The following RBFOX1 variants were observed in gnomAD, a reference collection of about 807,000 sequenced individuals.
The protein encoded by RBFOX1 is RNA binding fox-1 homolog 1, also known as RNA binding protein fox-1 homolog 1.
A neutral mutation model predicts 57.7 loss-of-function variants in RBFOX1; 8 were observed. The observed-to-expected ratio is 0.14, with a 90% CI of 0.08 to 0.25. The LOEUF is 0.25. RBFOX1 is among the 10% of genes least tolerant of loss of function. The probability of loss-of-function intolerance (pLI) is 1.00; values close to 1 mark genes in which losing one functional copy is unlikely to be tolerated. For missense variants in RBFOX1, 611 were observed against 548.5 expected, an observed-to-expected ratio of 1.11 and a Z score of -1.14; for synonymous variants, 326 against 222.4, an observed-to-expected ratio of 1.47 and a Z score of -4.15.
chr16:6,915,506 C>G lies in RBFOX1; in HGVS notation c.-15-136551C>G, dbSNP rs183725010. Among the ~76,000 whole-genome samples the G allele has an allele frequency of 3.4e-3, 516 of 151,612 alleles. 4 individuals carry two copies. Among genetic ancestry groups the G allele is most frequent in the Non-Finnish European group, 3.8e-3 (260 of 67,938 alleles). ...TCCTACTATAGCCTAAATCTAAAAT[C>G]TAAACAATAACTATTTTTTCTAAGT... On this transcript the variant is annotated intron_variant, in intron 3 of 15. Transcript: ENST00000550418.
At chr16:7,483,891 T>C (rs2064674152) in intron 4 of RBFOX1, among the ~76,000 whole-genome samples, 1 of 150,980 alleles carries the variant, frequency 6.6e-6, no homozygotes, top group Non-Finnish European at 1.5e-5. Flanking sequence ...ACAATCTAAT[T>C]CATCCGCTTA....
intron 2 of RBFOX1, among the ~76,000 whole-genome samples, chr16:6,319,369 G>A (rs1567927836): frequency 6.6e-6 from 1 of 152,096 alleles, no homozygotes; most frequent in Non-Finnish European, 1.5e-5. Context: ...TTGTTCAATA[G>A]TATATTACCC....
At chr16:7,502,604 T>G (rs373009715) in intron 4 of RBFOX1, among the ~76,000 whole-genome samples, 1 of 152,218 alleles carries the variant, frequency 6.6e-6, no homozygotes, top group East Asian at 1.9e-4. Context: ...GTTTTGTTTT[T>G]TTAATTATAC....
intron 4 of RBFOX1, among the ~76,000 whole-genome samples, chr16:7,478,607 G>T (rs1031553611): frequency 6.6e-6 from 1 of 152,244 alleles, no homozygotes; most frequent in Admixed American, 6.5e-5. Context: ...ACACAAACTG[G>T]ATTGGTCACC....
At chr16:7,279,045 C>T (rs1471032902) in intron 4 of RBFOX1, among the ~76,000 whole-genome samples, 1 of 150,092 alleles carries the variant, frequency 6.7e-6, no homozygotes, top group Non-Finnish European at 1.5e-5. Flanking sequence ...GATAAAAAGT[C>T]CTATTTTATC....
At chr16:6,946,764 A>T (rs2079611595) in intron 3 of RBFOX1, among the ~76,000 whole-genome samples, 1 of 151,960 alleles carries the variant, frequency 6.6e-6, no homozygotes, top group Non-Finnish European at 1.5e-5. Context: ...CACTCTGCCC[A>T]ACTAATTATT....
At chr16:6,395,364 TA>T (rs1332483742) in intron 2 of RBFOX1, among the ~76,000 whole-genome samples, 1 of 152,246 alleles carries the variant, frequency 6.6e-6, no homozygotes, top group Non-Finnish European at 1.5e-5. Context: ...TACTTCTTCT[TA>T]GTCTTTTATC....
chr16:5,741,592 C>G (rs181489582), intron 3 of RBFOX1, among the ~76,000 whole-genome samples: 1 of 152,276 alleles, frequency 6.6e-6, no homozygotes, highest in Non-Finnish European at 1.5e-5. Context: ...TATACACAAT[C>G]TTTTATCTTA....
At chr16:5,284,280 A>G (rs981607700) in intron 1 of RBFOX1, among the ~76,000 whole-genome samples, 2 of 152,112 alleles carry the variant, frequency 1.3e-5, no homozygotes, top group African/African-American at 4.8e-5. Context: ...CAGTGTGAAA[A>G]CAGACTAATA....
At chr16:6,892,214 C>G (rs2065614954) in intron 3 of RBFOX1, among the ~76,000 whole-genome samples, 1 of 152,180 alleles carries the variant, frequency 6.6e-6, no homozygotes, top group African/African-American at 2.4e-5. Context: ...CCAAGCAGAA[C>G]TTCCCCAGAG....
At chr16:6,972,738 A>C (rs2085865689) in intron 3 of RBFOX1, among the ~76,000 whole-genome samples, 1 of 152,108 alleles carries the variant, frequency 6.6e-6, no homozygotes. Flanking sequence ...TATAAGTGGG[A>C]GACTCCAGGG....
Position 6,623,356 on chromosome 16 carries a change from A to G in RBFOX1, c.-63-31247A>G, listed in dbSNP as rs552570940. Among the ~76,000 whole-genome samples, 12 of 152,144 alleles carry G rather than the reference A, an allele frequency of 7.9e-5. No individual in the cohort carries two copies. In the South Asian group the frequency reaches 1.7e-3, roughly 21 times the overall value. On this transcript the variant is annotated intron_variant, in intron 2 of 15. Coordinates refer to ENST00000550418, the MANE Select transcript of RBFOX1 (RefSeq NM_018723.4). ...AGAAGGGCCTGAGAAGGACAGTGAA[A>G]CCCAAATGACAGCTCAAGTGTTCTG...
intron 3 of RBFOX1, among the ~76,000 whole-genome samples, chr16:7,009,558 G>C (rs996642127): frequency 6.6e-6 from 1 of 152,060 alleles, no homozygotes; most frequent in Non-Finnish European, 1.5e-5. Flanking sequence ...ATCAATGATA[G>C]GAATGAAAGT....
intron 2 of RBFOX1, among the ~76,000 whole-genome samples, chr16:5,491,077 G>T (rs1019676625): frequency 6.6e-6 from 1 of 152,090 alleles, no homozygotes; most frequent in East Asian, 1.9e-4. Flanking sequence ...TCAGGTTTCT[G>T]TACCTGCTTC....
intron 1 of RBFOX1, among the ~76,000 whole-genome samples, chr16:5,243,242 G>A (rs1210216285): frequency 3.3e-5 from 5 of 152,140 alleles, no homozygotes; most frequent in Admixed American, 6.5e-5. Context: ...CCAAGACCAG[G>A]CACCTCGGCA....
chr16:6,191,347 C>T (rs907717699), intron 1 of RBFOX1, among the ~76,000 whole-genome samples: 6 of 151,936 alleles, frequency 3.9e-5, no homozygotes, highest in Non-Finnish European at 8.8e-5. Context: ...GAAATTGTTG[C>T]CAGAGGAAGG....
chr16:5,279,001 C>T (rs12920003), intron 1 of RBFOX1, among the ~76,000 whole-genome samples: 48,964 of 151,944 alleles, frequency 0.32, 7,928 homozygotes, highest in Non-Finnish European at 0.33. Flanking sequence ...CTTTGCAGTA[C>T]ATTTTTAAAT....
chr16:6,462,708 C>G (rs1264692699), intron 2 of RBFOX1, among the ~76,000 whole-genome samples: 1 of 151,404 alleles, frequency 6.6e-6, no homozygotes. Flanking sequence ...CCCCACCGCC[C>G]CCCACACACA....
At chr16:6,024,522 G>A (rs866902603) in intron 1 of RBFOX1, among the ~76,000 whole-genome samples, 3 of 152,124 alleles carry the variant, frequency 2.0e-5, no homozygotes, top group Admixed American at 6.5e-5. Context: ...AGAGCCTCAC[G>A]TTGTATCCCA....
Sources: allele counts gnomAD v4.1 joint callset (sites outside exome capture counted in the v4.1 genomes callset), GRCh38; gene constraint gnomAD v4.1.1; transcripts MANE v1.5; gene names NCBI Gene and HGNC (gene_info 2026-07-23, HGNC 2026-07-21).